The following MLPH variants were observed in gnomAD, a reference collection of about 807,000 sequenced individuals.
MLPH encodes the protein melanophilin.
In MLPH, 51 loss-of-function variants were observed where a neutral mutation model predicts 72.1. That is an observed-to-expected ratio of 0.71 (90% CI 0.56 to 0.89). The LOEUF (loss-of-function observed/expected upper bound fraction) is 0.89, where lower values mean the gene tolerates loss of function less well. Among genes scored for constraint, MLPH ranks in the 40% least tolerant of loss-of-function variants. The pLI, the probability that MLPH is intolerant of heterozygous loss-of-function variation, is 0.00. For synonymous variants in MLPH, 301 were observed against 310.1 expected, an observed-to-expected ratio of 0.97 and a Z score of 0.31; for missense variants, 743 against 759.9, an observed-to-expected ratio of 0.98 and a Z score of 0.26.
intron 6 of MLPH, among the ~76,000 whole-genome samples, chr2:237,521,808 G>A (rs111339512): frequency 0.17 from 21,963 of 127,204 alleles, 1,891 homozygotes; most frequent in African/African-American, 0.35. Flanking sequence ...GTGCTGGAGC[G>A]GAGCAGGGCT....
rs1191164761 is a variant in MLPH at position 237,501,666 on chromosome 2, A to C, written c.110+8130A>C. ...ACATAGTGAAACCACGTCTCTACTA[A>C]AAAAAAAAAAAAAAAAAAAAAAATA... On this transcript the variant is annotated intron_variant, in intron 2 of 15. Coordinates refer to ENST00000264605, the MANE Select transcript of MLPH (RefSeq NM_024101.7). 6.4e-3 allele frequency among the ~76,000 whole-genome samples: 679 copies of C among 106,552 alleles called. 7 individuals carry two copies. The highest frequency in any genetic ancestry group is 0.052 in the African/African-American group (645 of 12,458). The allele number at this position is 106,552 out of a possible 152,430, so 69.9% of individuals were successfully genotyped here. A position where few individuals can be genotyped will look rare whatever the true frequency, so the allele number is the denominator to read the frequency against.
chr2:237,507,983 C>T lies in MLPH; in HGVS notation c.111-2591C>T, dbSNP rs145765746. On this transcript the variant is annotated intron_variant, in intron 2 of 15. Transcript: ENST00000264605. ...CCTTCAACACGTGGCACAAGAGCTT[C>T]CTGTCCTCCTCCAAGCTCATCAGGC... 3.9e-3 allele frequency among the ~76,000 whole-genome samples: 591 copies of T among 152,302 alleles called. 4 individuals carry two copies. The highest frequency in any genetic ancestry group is 0.013 in the African/African-American group (539 of 41,548).
chr2:237,519,947 A>C lies in MLPH; in HGVS notation c.593A>C (p.Glu198Ala). 6.2e-7 allele frequency: 1 copy of C among 1,613,966 alleles called. No individual in the cohort carries two copies. The highest frequency in any genetic ancestry group is 8.5e-7 in the Non-Finnish European group (1 of 1,179,992). The change falls in exon 6 of 16, where the codon GAG becomes GCG. Residue 198 changes from glutamate (E) to alanine (A), a missense_variant. Glu to Ala is a moderately radical substitution (Grantham distance 107). Transcript: ENST00000264605. ...CTCTCCGTCCACGACTTCGACTTCG[A>C]GGGAGACTCAGATGACTCCACTCAG... is the stretch of plus-strand genomic sequence containing the variant. ...RLLSVHDFDF[E>A]GDSDDSTQPQ...
chr2:237,533,398 T>C (rs868424137), intron 8 of MLPH, among the ~76,000 whole-genome samples: 362 of 143,846 alleles, frequency 2.5e-3, no homozygotes, highest in Middle Eastern at 3.4e-3. Context: ...TTCTTTTTTT[T>C]TTTTTTTTTT....
chr2:237,511,760 A>G (rs1263301540), intron 4 of MLPH: 1 of 153,108 alleles, frequency 6.5e-6, no homozygotes, highest in East Asian at 1.9e-4. Flanking sequence ...GAATCCAAGT[A>G]TTTATTTCAT....
At chr2:237,540,561 A>G in intron 10 of MLPH, 28 bp downstream of exon 10, 2 of 1,599,548 alleles carry the variant, frequency 1.3e-6, no homozygotes, top group Non-Finnish European at 1.7e-6. Flanking sequence ...AGGTCTCAGC[A>G]GGACCCTGCA....
Position 237,511,109 on chromosome 2 carries a change from G to C in MLPH, c.445+8G>C. 6.2e-7 allele frequency: 1 copy of C among 1,610,182 alleles called. No individual in the cohort carries two copies. The highest frequency in any genetic ancestry group is 8.5e-7 in the Non-Finnish European group (1 of 1,176,684). On this transcript the variant is annotated splice_region_variant and intron_variant, in intron 4 of 15. Coordinates refer to ENST00000264605, the MANE Select transcript of MLPH (RefSeq NM_024101.7). ...GGCGGCTGCAGGGTGGAGGTAAGGA[G>C]TGGAGAGTAAGAACGGCTTTTTGTT...
At chr2:237,529,190 C>G (rs148907132) in intron 8 of MLPH, among the ~76,000 whole-genome samples, 24,175 of 151,844 alleles carry the variant, frequency 0.16, 2,112 homozygotes, top group African/African-American at 0.21. Context: ...TCACAGGCGC[C>G]CACCACCACG....
chr2:237,496,522 G>A (rs1239846079), intron 2 of MLPH, among the ~76,000 whole-genome samples: 1 of 152,178 alleles, frequency 6.6e-6, no homozygotes, highest in Non-Finnish European at 1.5e-5. Flanking sequence ...AGGAAAGGAC[G>A]CACCCAGGTC....
Position 237,525,789 on chromosome 2 carries a change from G to A in MLPH, c.864G>A (p.Gly288=). ...GAGGCTCCCACAGGATGGCCCTGGG[G>A]ACTGCTGCTGCACTCGGTAGGTGCC... ...PPGGSHRMAL[G]TAAALGSNVI... The change falls in exon 7 of 16, where the codon GGG becomes GGA. Residue 288 remains glycine, a synonymous_variant. Coordinates refer to ENST00000264605, the MANE Select transcript of MLPH (RefSeq NM_024101.7). 6.2e-7 allele frequency: 1 copy of A among 1,612,814 alleles called. No homozygotes were observed. Among genetic ancestry groups the A allele is most frequent in the Non-Finnish European group, 8.5e-7 (1 of 1,180,030 alleles).
chr2:237,548,839 A>ACTGCACTC (rs1295032642), intron 13 of MLPH, among the ~76,000 whole-genome samples: 2 of 152,238 alleles, frequency 1.3e-5, no homozygotes, highest in Non-Finnish European at 2.9e-5. Context: ...CGATCGCACC[A>ACTGCACTC]CTGCACTCCA....
intron 7 of MLPH, 42 bp downstream of exon 7, chr2:237,525,847 G>A (rs574393504): frequency 4.2e-5 from 66 of 1,579,422 alleles, no homozygotes; most frequent in East Asian, 6.7e-5. Flanking sequence ...GGCTCGGCAT[G>A]GGGGAGCAGG....
At chr2:237,493,650 G>A (rs774496808) in intron 2 of MLPH, 114 bp downstream of exon 2, 44 of 770,586 alleles carry the variant, frequency 5.7e-5, no homozygotes, top group Non-Finnish European at 9.8e-5. Context: ...AAGAGTGATG[G>A]ACAGGAAGCC....
intron 8 of MLPH, among the ~76,000 whole-genome samples, chr2:237,532,103 T>G (rs1394053635): frequency 6.6e-6 from 1 of 152,200 alleles, no homozygotes; most frequent in Non-Finnish European, 1.5e-5. Flanking sequence ...GATCCTGTAC[T>G]TCAGAGAAAA....
chr2:237,527,713 T>C, intron 8 of MLPH, 197 bp downstream of exon 8: 1 of 697,566 alleles, frequency 1.4e-6, no homozygotes. Flanking sequence ...TTAACCATCT[T>C]AGTATGGCCA....
At chr2:237,550,415 C>T (rs1371588852) in intron 14 of MLPH, among the ~76,000 whole-genome samples, 1 of 152,208 alleles carries the variant, frequency 6.6e-6, no homozygotes, top group Non-Finnish European at 1.5e-5. Flanking sequence ...GATTCAGGGT[C>T]ACCAGCCAGG....
chr2:237,511,399 A>T (rs2079901618), intron 4 of MLPH: 1 of 389,940 alleles, frequency 2.6e-6, no homozygotes, highest in Non-Finnish European at 4.8e-6. Flanking sequence ...AGTGTGAGCC[A>T]CTGTGCCCTG....
intron 2 of MLPH, among the ~76,000 whole-genome samples, chr2:237,509,585 C>A (rs1228807894): frequency 6.6e-6 from 1 of 152,214 alleles, no homozygotes; most frequent in African/African-American, 2.4e-5. Flanking sequence ...AAACTGTAGT[C>A]TGTGGATGGC....
Position 237,510,939 on chromosome 2 carries a change from C to G in MLPH, c.333-50C>G, listed in dbSNP as rs913963325. On this transcript the variant is annotated intron_variant, in intron 3 of 15. Coordinates refer to ENST00000264605, the MANE Select transcript of MLPH (RefSeq NM_024101.7). This position sits in a 1 kb window ranked among gnomAD's most constrained non-coding sequence, Gnocchi z 4.4. ...TGTGTGTGTGTGAGATTTATGCAGGCCTGTGTACAGCACTCAGGCAGTGCC... is the reference window on the plus strand; with the variant it reads ...TGTGTGTGTGTGAGATTTATGCAGGGCTGTGTACAGCACTCAGGCAGTGCC... 4 of 1,543,190 alleles carry G rather than the reference C, an allele frequency of 2.6e-6. No homozygotes were observed. In the African/African-American group the frequency reaches 5.5e-5, roughly 21 times the overall value.
Sources: gnomAD v4.1 joint callset for allele counts (sites outside exome capture counted in the v4.1 genomes callset) on GRCh38, gnomAD v4.1.1 for gene constraint, Gnocchi (gnomAD v3.1) non-coding constraint, MANE v1.5 for transcripts, NCBI Gene and HGNC (gene_info 2026-07-23, HGNC 2026-07-21) for gene names.